RPH3A: variants seen among roughly 807,000 people sequenced by gnomAD.
The protein encoded by RPH3A is rabphilin 3A, also known as rabphilin-3A.
RPH3A carries 48 observed loss-of-function variants against 102.2 expected under a neutral mutation model. That is an observed-to-expected ratio of 0.47 (90% CI 0.37 to 0.60). The LOEUF is 0.60. Among genes scored for constraint, RPH3A ranks in the 20% least tolerant of loss-of-function variants. The pLI, the probability that RPH3A is intolerant of heterozygous loss-of-function variation, is 0.00. For synonymous variants in RPH3A, 310 were observed against 324.3 expected (o/e 0.96, Z 0.47); for missense variants, 781 against 910.1 (o/e 0.86, Z 1.83).
At position 112,847,701 on chromosome 12, in the gene RPH3A, AG is replaced by A; in HGVS notation, c.91del (p.Ala31GlnfsTer20). On this transcript the variant is annotated frameshift_variant, in exon 5 of 22. Transcript: ENST00000389385. LOFTEE classifies it high-confidence loss of function. ...CTTCCCAAATTTCCTTTCAGGCTCC[AG>A]GCAGGCTGGTCCGTCCACCCCGGTG... is the stretch of plus-strand genomic sequence containing the variant. ...PLQSNDKEQL[Q>X]AGWSVHPGGQ... The A allele has an allele frequency of 6.2e-7, 1 of 1,613,818 alleles. No homozygotes were observed. The highest frequency in any genetic ancestry group is 1.3e-5 in the African/African-American group (1 of 75,030).
At chr12:112,859,603 C>T (rs1370839248) in intron 5 of RPH3A, among the ~76,000 whole-genome samples, 1 of 152,224 alleles carries the variant, frequency 6.6e-6, no homozygotes, top group Admixed American at 6.5e-5. Flanking sequence ...CCCAAACTCA[C>T]ACCCTGTTCA....
intron 1 of RPH3A, among the ~76,000 whole-genome samples, chr12:112,679,390 T>C (rs546175059): frequency 2.0e-5 from 3 of 152,184 alleles, no homozygotes; most frequent in South Asian, 2.1e-4. Context: ...CCTGACTTCA[T>C]GATCCTCCTG....
Position 112,584,048 on chromosome 12 carries a change from C to T in RPH3A, c.-140+8729C>T, listed in dbSNP as rs568407002. ...TATAGAGTCTTTATGGACTCTGAGA[C>T]TCTTAAGATTCTCTGATTGACCCTA... On this transcript the variant is annotated intron_variant, in intron 1 of 21. Transcript: ENST00000543106. 1.4e-4 allele frequency among the ~76,000 whole-genome samples: 22 copies of T among 152,216 alleles called. 1 individual carries two copies. In the South Asian group the frequency reaches 4.4e-3, roughly 30 times the overall value.
At chr12:112,763,938 C>T (rs557490105) in intron 1 of RPH3A, among the ~76,000 whole-genome samples, 1 of 152,154 alleles carries the variant, frequency 6.6e-6, no homozygotes, top group Admixed American at 6.5e-5. Context: ...CACTGCTGTC[C>T]GTCCCCTGTC....
chr12:112,878,581 C>A (rs1206809666), intron 13 of RPH3A, among the ~76,000 whole-genome samples: 1 of 152,156 alleles, frequency 6.6e-6, no homozygotes, highest in Non-Finnish European at 1.5e-5. Flanking sequence ...GGAGACAGAG[C>A]ACCATAAAAG....
At chr12:112,695,841 T>C in intron 1 of RPH3A, among the ~76,000 whole-genome samples, 1 of 152,238 alleles carries the variant, frequency 6.6e-6, no homozygotes, top group Admixed American at 6.5e-5. Flanking sequence ...TATCATTTAT[T>C]ATTATTTTTA....
At chr12:112,832,270 A>G (rs1225934580) in intron 3 of RPH3A, among the ~76,000 whole-genome samples, 1 of 152,292 alleles carries the variant, frequency 6.6e-6, no homozygotes, top group African/African-American at 2.4e-5. Flanking sequence ...TAAACCACCC[A>G]TTGCATTTTA....
intron 1 of RPH3A, among the ~76,000 whole-genome samples, chr12:112,656,862 T>A (rs1360823359): frequency 6.6e-6 from 1 of 152,052 alleles, no homozygotes; most frequent in Admixed American, 6.6e-5. Flanking sequence ...TGATGGACAC[T>A]TAGGTTGATT....
intron 1 of RPH3A, among the ~76,000 whole-genome samples, chr12:112,667,759 A>G (rs956593458): frequency 1.3e-5 from 2 of 150,526 alleles, no homozygotes; most frequent in African/African-American, 2.4e-5. Flanking sequence ...TGTTTAGAGC[A>G]GGCCACCTTG....
At position 112,781,596 on chromosome 12, in the gene RPH3A, G is replaced by C. The variant is rs573278739; in HGVS notation, c.-139-10547G>C. Among the ~76,000 whole-genome samples the C allele has an allele frequency of 6.2e-4, 95 of 152,314 alleles. 1 individual carries two copies. The highest frequency in any genetic ancestry group is 6.8e-3 in the Middle Eastern group (2 of 294). ...CCTGGGTGTGGTGGTATTGGTGGAG[G>C]ATCAGTGAGCTATTGGCGTTGGCCC... On this transcript the variant is annotated intron_variant, in intron 1 of 21. Coordinates refer to the RPH3A transcript ENST00000543106.
intron 3 of RPH3A, among the ~76,000 whole-genome samples, chr12:112,831,017 C>T (rs1445161443): frequency 1.3e-5 from 2 of 151,782 alleles, no homozygotes; most frequent in African/African-American, 2.4e-5. Context: ...GCTTTTCTGG[C>T]CATAAAGTCT....
chr12:112,604,221 TG>T (rs2039578201), intron 1 of RPH3A, among the ~76,000 whole-genome samples: 1 of 152,226 alleles, frequency 6.6e-6, no homozygotes, highest in African/African-American at 2.4e-5. Flanking sequence ...CTTATCAATT[TG>T]CTAGTGTGTT....
At chr12:112,655,864 C>T (rs907069713) in intron 1 of RPH3A, among the ~76,000 whole-genome samples, 19 of 152,224 alleles carry the variant, frequency 1.2e-4, no homozygotes, top group South Asian at 2.1e-4. Flanking sequence ...TGAGCTACCA[C>T]GCCCAGTCCC....
chr12:112,848,838 G>T (rs758461467), intron 5 of RPH3A, among the ~76,000 whole-genome samples: 18 of 152,104 alleles, frequency 1.2e-4, no homozygotes, highest in Non-Finnish European at 2.4e-4. Flanking sequence ...GGCATCATCA[G>T]GGTGGGAGGA....
At chr12:112,727,152 G>A (rs1414820656) in intron 1 of RPH3A, among the ~76,000 whole-genome samples, 1 of 151,994 alleles carries the variant, frequency 6.6e-6, no homozygotes, top group African/African-American at 2.4e-5. Flanking sequence ...TTGGCTCCCT[G>A]AGCAGAATTT....
At chr12:112,755,316 C>CAT (rs2040816308) in intron 1 of RPH3A, among the ~76,000 whole-genome samples, 1 of 150,438 alleles carries the variant, frequency 6.6e-6, no homozygotes, top group Non-Finnish European at 1.5e-5. Flanking sequence ...CACACACACA[C>CAT]ACACACACAC....
At chr12:112,594,818 GC>G (rs777635854) in intron 1 of RPH3A, among the ~76,000 whole-genome samples, 22 of 152,158 alleles carry the variant, frequency 1.4e-4, no homozygotes, top group Non-Finnish European at 2.1e-4. Context: ...TTATTGTTAT[GC>G]ATAAAGGTAT....
chr12:112,648,287 C>T (rs893955013), intron 1 of RPH3A, among the ~76,000 whole-genome samples: 2 of 151,884 alleles, frequency 1.3e-5, no homozygotes, highest in African/African-American at 4.8e-5. Flanking sequence ...TTTGTTATGG[C>T]TGAATAATGT....
rs150000748 is a variant in RPH3A at position 112,864,800 on chromosome 12, T to C, written c.231-614T>C. On this transcript the variant is annotated intron_variant, in intron 5 of 21. Coordinates refer to ENST00000389385, the MANE Select transcript of RPH3A (RefSeq NM_001143854.2). The stretch of plus-strand genomic sequence containing the variant: ...CCCTCTACCCTTTCCTTAAACTGTC[T>C]GTACTTGACAATTTCAGGGCAGAAT... Among the ~76,000 whole-genome samples the C allele has an allele frequency of 1.9e-3, 294 of 152,328 alleles. 1 individual carries two copies. Among genetic ancestry groups the C allele is most frequent in the African/African-American group, 6.5e-3 (272 of 41,562 alleles).
Sources: allele counts gnomAD v4.1 joint callset (sites outside exome capture counted in the v4.1 genomes callset), GRCh38; gene constraint gnomAD v4.1.1; transcripts MANE v1.5; gene names NCBI Gene and HGNC (gene_info 2026-07-23, HGNC 2026-07-21).